CEBPZ: variants seen among roughly 807,000 people sequenced by gnomAD.
CEBPZ encodes CCAAT/enhancer-binding protein zeta.
CEBPZ carries 78 observed loss-of-function variants against 104.5 expected under a neutral mutation model. The ratio of observed to expected loss-of-function variants is 0.75; its 90% CI spans 0.62 to 0.90. The LOEUF is 0.90. Among genes scored for constraint, CEBPZ ranks in the 40% least tolerant of loss-of-function variants. The pLI, the probability that CEBPZ is intolerant of heterozygous loss-of-function variation, is 0.00. For missense variants in CEBPZ, 1,439 were observed against 1,233.5 expected, an observed-to-expected ratio of 1.17 and a Z score of -2.50; for synonymous variants, 470 against 427.0, an observed-to-expected ratio of 1.10 and a Z score of -1.24.
rs1168314958 is a variant in CEBPZ, at chr2:37,214,804, T to A, written c.2447+82A>T. ...GTAGTAGATTATTGAAGTAGATTAT[T>A]TCATAAAATGAAGCATTTTATGAAA... On this transcript the variant is annotated intron_variant, in intron 9 of 15. Transcript: ENST00000234170. The A allele has an allele frequency of 4.7e-6, 4 of 849,942 alleles. No individual in the cohort carries two copies. The African/African-American group carries it at 5.1e-5, about 11-fold the overall frequency. 52.7% of individuals were successfully genotyped at this position (849,942 alleles called of 1,614,324 possible).
At chr2:37,212,642 G>T (rs1323710930) in intron 10 of CEBPZ, 1 of 505,124 alleles carries the variant, frequency 2.0e-6, no homozygotes, top group Non-Finnish European at 3.5e-6. Flanking sequence ...TTCTTTTATG[G>T]AAAGAGGATA....
At chr2:37,216,005 T>G (rs1303375409) in intron 8 of CEBPZ, 135 bp downstream of exon 8, 1 of 645,976 alleles carries the variant, frequency 1.5e-6, no homozygotes, top group Non-Finnish European at 2.5e-6. Context: ...GAATACCTAT[T>G]CTTGGGAAAA....
chr2:37,214,487 A>G (rs1229550671), intron 9 of CEBPZ, among the ~76,000 whole-genome samples: 1 of 152,112 alleles, frequency 6.6e-6, no homozygotes, highest in East Asian at 1.9e-4. Flanking sequence ...AATCTATATT[A>G]AAGGTAGATT....
chr2:37,201,771 CTT>C lies in CEBPZ; in HGVS notation c.3156_3157del (p.Arg1053GlufsTer5), dbSNP rs1677251687. The C allele has an allele frequency of 7.1e-7, 1 of 1,415,358 alleles. No individual in the cohort carries two copies. The allele number at this position is 1,415,358 out of a possible 1,614,324, so 87.7% of individuals were successfully genotyped here. ...ATAATTTACATTAATAACTCATTTC[CTT>C]TGTTTTTTAGTTTTTTGAGTGGTTT... On this transcript the variant is annotated frameshift_variant, in exon 16 of 16. Transcript: ENST00000234170. LOFTEE classifies it high-confidence loss of function.
At chr2:37,215,725 T>C (rs1236307570) in intron 8 of CEBPZ, among the ~76,000 whole-genome samples, 2 of 152,104 alleles carry the variant, frequency 1.3e-5, no homozygotes, top group Non-Finnish European at 2.9e-5. Context: ...AAAATGATGC[T>C]CTGTGACAAA....
rs1003197693 is a variant in CEBPZ at position 37,202,933 on chromosome 2, C to T, written c.2943+17G>A. ...ATGTAGAATAGCTAGCTTGTTAAAACAGTACATTAGCCTTACCTCTTCAGC... is the reference window on the plus strand; with the variant it reads ...ATGTAGAATAGCTAGCTTGTTAAAATAGTACATTAGCCTTACCTCTTCAGC... On this transcript the variant is annotated intron_variant, in intron 14 of 15. Coordinates refer to ENST00000234170, the MANE Select transcript of CEBPZ (RefSeq NM_005760.3). The T allele has an allele frequency of 1.9e-6, 3 of 1,595,130 alleles. No homozygotes were observed. The highest frequency in any genetic ancestry group is 2.6e-6 in the Non-Finnish European group (3 of 1,169,886).
At chr2:37,213,275 A>G (rs1469908877) in intron 10 of CEBPZ, among the ~76,000 whole-genome samples, 1 of 152,244 alleles carries the variant, frequency 6.6e-6, no homozygotes, top group Non-Finnish European at 1.5e-5. Flanking sequence ...TTTCTTTTTC[A>G]CATGAGATTT....
chr2:37,227,569 C>T lies in CEBPZ; in HGVS notation c.1624G>A (p.Asp542Asn), dbSNP rs769231032. The T allele has an allele frequency of 1.9e-6, 3 of 1,611,716 alleles. No homozygotes were observed. The highest frequency in any genetic ancestry group is 2.5e-6 in the Non-Finnish European group (3 of 1,178,958). Residue 542 changes from aspartate to asparagine, a missense_variant, in exon 2 of 16, where the codon GAT becomes AAT. Physicochemically the swap from Asp to Asn is conservative, Grantham distance 23. Coordinates refer to ENST00000234170, the MANE Select transcript of CEBPZ (RefSeq NM_005760.3). ...CTGTATAATGCTGTGTAATATCGAT[C>T]CGATATTGTCTGCTGAGAATTCATT... ...QVMNSQQTIS[D>N]RYYTALYRKM... is the part of the protein sequence containing the mutation.
chr2:37,228,980 G>A lies in CEBPZ; in HGVS notation c.213C>T (p.Gly71=). ...GAAGGTCATCGATTGCTCCTTTTTT[G>A]CCTCCATCTATCACTTCCTCATTCT... ...LDENEEVIDG[G]KKGAIDDLQQ... Residue 71 remains glycine (G), a synonymous_variant, in exon 2 of 16, where the codon GGC becomes GGT. Transcript: ENST00000234170. 1 of 1,598,320 alleles carries A rather than the reference G, an allele frequency of 6.3e-7. No homozygotes were observed. Among genetic ancestry groups the A allele is most frequent in the South Asian group, 1.2e-5 (1 of 86,340 alleles).
At chr2:37,214,011 T>C (rs1396135332) in intron 9 of CEBPZ, 50 bp from the exon 10 acceptor site, 2 of 1,022,128 alleles carry the variant, frequency 2.0e-6, no homozygotes, top group East Asian at 3.0e-5. Context: ...GGTCTAATCT[T>C]ACTATATATC....
rs1664809276 is a variant in CEBPZ, at chr2:37,223,244, A to G, written c.1807T>C (p.Cys603Arg). ...TCAGACACAAGATATAAAGCTCCAC[A>G]TATAAATGGTGGCATCTGTTGACAA... Reference protein sequence around the residue: ...VTCQQMPPFICGALYLVSEIL... With the variant: ...VTCQQMPPFIRGALYLVSEIL... Residue 603 changes from cysteine (C) to arginine (R), a missense_variant, in exon 3 of 16, where the codon TGT becomes CGT. Transcript: ENST00000234170. 1 of 1,614,080 alleles carries G rather than the reference A, an allele frequency of 6.2e-7. No individual in the cohort carries two copies. Among genetic ancestry groups the G allele is most frequent in the Non-Finnish European group, 8.5e-7 (1 of 1,180,030 alleles).
chr2:37,209,716 G>A (rs1677658364), intron 13 of CEBPZ: 1 of 152,110 alleles, frequency 6.6e-6, no homozygotes, highest in Non-Finnish European at 1.5e-5. Flanking sequence ...AACTCTTCTA[G>A]ACATTGGCTT....
intron 13 of CEBPZ, 137 bp from the exon 14 acceptor site, chr2:37,203,145 C>T: frequency 5.6e-6 from 3 of 540,090 alleles, no homozygotes; most frequent in Non-Finnish European, 9.6e-6. Context: ...CATTGGGTAG[C>T]TGGCATTTAA....
chr2:37,212,773 C>T (rs554953458), intron 10 of CEBPZ: 1 of 160,642 alleles, frequency 6.2e-6, no homozygotes, highest in Non-Finnish European at 1.3e-5. Context: ...AATTCCAGCA[C>T]TTTGGGAGGC....
At chr2:37,202,697 AAATAAAAT>A in intron 15 of CEBPZ, 79 bp downstream of exon 15, 1 of 274,650 alleles carries the variant, frequency 3.6e-6, no homozygotes, top group African/African-American at 3.7e-5. Context: ...AAAAAAGAAT[AAATAAAAT>A]AACGAAAATT....
chr2:37,212,400 A>G lies in CEBPZ; in HGVS notation c.2546-8T>C. 1.2e-6 allele frequency: 2 copies of G among 1,610,636 alleles called. No individual in the cohort carries two copies. The highest frequency in any genetic ancestry group is 1.7e-6 in the Non-Finnish European group (2 of 1,177,460). On this transcript the variant is annotated splice_polypyrimidine_tract_variant and splice_region_variant and intron_variant, in intron 10 of 15. Coordinates refer to ENST00000234170, the MANE Select transcript of CEBPZ (RefSeq NM_005760.3). ...TATCATCTTCAAATGTGTCTGCCAG[A>G]CAATACAGAAATGTGAGATACAACA... is the stretch of plus-strand genomic sequence containing the variant.
chr2:37,228,675 T>C lies in CEBPZ; in HGVS notation c.518A>G (p.Gln173Arg). 1 of 1,614,190 alleles carries C rather than the reference T, an allele frequency of 6.2e-7. No individual in the cohort carries two copies. Among genetic ancestry groups the C allele is most frequent in the Non-Finnish European group, 8.5e-7 (1 of 1,180,032 alleles). The change falls in exon 2 of 16, where the codon CAG becomes CGG. Residue 173 changes from glutamine (Q) to arginine (R), a missense_variant. Coordinates refer to ENST00000234170, the MANE Select transcript of CEBPZ (RefSeq NM_005760.3). ...KQNIFEFFER[Q>R]TLLLRPGGKW... ...GCCTCCAGGCCTAAGTAACAAAGTC[T>C]GTCTCTCAAAAAATTCAAAGATGTT... is the stretch of plus-strand genomic sequence containing the variant.
Position 37,231,436 on chromosome 2 carries a change from T to G in CEBPZ, c.132A>C (p.Glu44Asp), listed in dbSNP as rs1417986704. 1.2e-6 allele frequency: 2 copies of G among 1,614,006 alleles called. No homozygotes were observed. Among genetic ancestry groups the G allele is most frequent in the Non-Finnish European group, 1.7e-6 (2 of 1,180,024 alleles). ...CCTTGGTGCCTCCGAGCCGTAACAC[T>G]TCCTCCAGGGAGAACCCATTCTCGG... ...SEAENGFSLE[E>D]VLRLGGTKQD... The change falls in exon 1 of 16, where the codon GAA (glutamate) becomes GAC (aspartate). Residue 44 changes from glutamate (E) to aspartate (D), a missense_variant. Coordinates refer to ENST00000234170, the MANE Select transcript of CEBPZ (RefSeq NM_005760.3).
At chr2:37,230,744 G>T (rs1013020696) in intron 1 of CEBPZ, among the ~76,000 whole-genome samples, 1 of 152,082 alleles carries the variant, frequency 6.6e-6, no homozygotes, top group Non-Finnish European at 1.5e-5. Context: ...GCTGCTCATG[G>T]AATAGGTTAG....
Sources: gnomAD v4.1 joint callset for allele counts (sites outside exome capture counted in the v4.1 genomes callset) on GRCh38, gnomAD v4.1.1 for gene constraint, MANE v1.5 for transcripts, NCBI Gene and HGNC (gene_info 2026-07-23, HGNC 2026-07-21) for gene names.